Variants in HTR4 observed in about 807,000 individuals in gnomAD.
HTR4 encodes the protein 5-hydroxytryptamine (serotonin) receptor 4, G protein-coupled.
HTR4 carries 16 observed loss-of-function variants against 36.8 expected under a neutral mutation model. The ratio of observed to expected loss-of-function variants is 0.43; its 90% CI spans 0.29 to 0.66. The LOEUF (loss-of-function observed/expected upper bound fraction) is 0.66. Ranked by LOEUF, HTR4 falls within the 30% of genes least tolerant of loss-of-function variation. The pLI is 0.13. For synonymous variants in HTR4, 189 were observed against 185.1 expected (o/e 1.02, Z -0.17); for missense variants, 438 against 490.9 (o/e 0.89, Z 1.02).
At chr5:148,469,530 C>A (rs1325394237) in intron 5 of HTR4, among the ~76,000 whole-genome samples, 1 of 152,216 alleles carries the variant, frequency 6.6e-6, no homozygotes, top group East Asian at 1.9e-4. Context: ...TAGTGGCAGT[C>A]TGAGTCCTGG....
chr5:148,624,425 G>T (rs1040858051), intron 2 of HTR4, among the ~76,000 whole-genome samples: 1 of 152,172 alleles, frequency 6.6e-6, no homozygotes, highest in African/African-American at 2.4e-5. Flanking sequence ...GAAAATACTT[G>T]TGAAGAGTTG....
chr5:148,531,295 A>G (rs1418277354), intron 4 of HTR4, among the ~76,000 whole-genome samples: 1 of 152,102 alleles, frequency 6.6e-6, no homozygotes, highest in Non-Finnish European at 1.5e-5. Context: ...GTGTTGTGGG[A>G]GAAACCCGGT....
At chr5:148,587,516 A>T (rs1043513979) in intron 2 of HTR4, among the ~76,000 whole-genome samples, 2 of 152,110 alleles carry the variant, frequency 1.3e-5, no homozygotes, top group Non-Finnish European at 2.9e-5. Flanking sequence ...CATCTTCAAG[A>T]TTCTGCCTGG....
intron 6 of HTR4, among the ~76,000 whole-genome samples, chr5:148,495,838 C>T (rs1581380024): frequency 6.6e-6 from 1 of 152,130 alleles, no homozygotes; most frequent in South Asian, 2.1e-4. Flanking sequence ...TGCGGTGGCT[C>T]AAGCCTGTAA....
At chr5:148,527,281 T>C (rs950813142) in intron 4 of HTR4, among the ~76,000 whole-genome samples, 2 of 152,240 alleles carry the variant, frequency 1.3e-5, no homozygotes, top group East Asian at 3.8e-4. Context: ...TAAATGGATG[T>C]GGATGTTTAG....
intron 4 of HTR4, among the ~76,000 whole-genome samples, chr5:148,526,892 G>C (rs1284921766): frequency 2.6e-5 from 4 of 152,110 alleles, no homozygotes; most frequent in Non-Finnish European, 4.4e-5. Flanking sequence ...TGTAGGGGGA[G>C]TATGAAGAGG....
At chr5:148,462,981 T>G (rs1241848801) in intron 5 of HTR4, among the ~76,000 whole-genome samples, 2 of 152,146 alleles carry the variant, frequency 1.3e-5, no homozygotes, top group African/African-American at 4.8e-5. Context: ...TAAAAAGCTC[T>G]CGGTAAACTA....
At chr5:148,522,201 G>C (rs1758054213) in intron 5 of HTR4, among the ~76,000 whole-genome samples, 1 of 152,158 alleles carries the variant, frequency 6.6e-6, no homozygotes, top group Non-Finnish European at 1.5e-5. Flanking sequence ...ATGTGGAACT[G>C]TGAGTCCATT....
At chr5:148,476,851 C>A, downstream of HTR4, 1 of 1,558,394 alleles carries the variant, frequency 6.4e-7, no homozygotes, top group Non-Finnish European at 8.7e-7. Context: ...TGGAATAGGT[C>A]AAAAACCTCA....
At chr5:148,615,440 A>G (rs914947994) in intron 2 of HTR4, among the ~76,000 whole-genome samples, 4 of 149,304 alleles carry the variant, frequency 2.7e-5, no homozygotes, top group African/African-American at 9.9e-5. Flanking sequence ...ACAAAAAACC[A>G]AACACTGCAT....
chr5:148,590,572 G>T (rs553124756), intron 2 of HTR4, among the ~76,000 whole-genome samples: 2 of 150,832 alleles, frequency 1.3e-5, no homozygotes, highest in East Asian at 1.9e-4. Flanking sequence ...AAATTTTTGG[G>T]GTATATCACT....
intron 5 of HTR4, among the ~76,000 whole-genome samples, chr5:148,522,836 T>C (rs1311134088): frequency 6.6e-6 from 1 of 152,064 alleles, no homozygotes; most frequent in Admixed American, 6.5e-5. Context: ...AAGGTGATCA[T>C]ACATCACCTG....
At chr5:148,609,456 T>A (rs1316401486) in intron 2 of HTR4, among the ~76,000 whole-genome samples, 1 of 152,186 alleles carries the variant, frequency 6.6e-6, no homozygotes, top group Non-Finnish European at 1.5e-5. Flanking sequence ...ATAAGGCAAA[T>A]ACTTATTACA....
At chr5:148,478,407 T>C (rs1221640559), downstream of HTR4, among the ~76,000 whole-genome samples, 1 of 152,180 alleles carries the variant, frequency 6.6e-6, no homozygotes, top group Non-Finnish European at 1.5e-5. Context: ...GGTGAAGGCT[T>C]AGGTCTTCAT....
chr5:148,601,085 T>C (rs1761980111), intron 2 of HTR4, among the ~76,000 whole-genome samples: 1 of 144,786 alleles, frequency 6.9e-6, no homozygotes, highest in Admixed American at 7.0e-5. Context: ...AAGAAGCATA[T>C]GAAAAGGTGT....
At chr5:148,525,059 A>C (rs1235238669) in intron 4 of HTR4, among the ~76,000 whole-genome samples, 2 of 152,188 alleles carry the variant, frequency 1.3e-5, no homozygotes, top group African/African-American at 4.8e-5. Flanking sequence ...CCAGAGTGCA[A>C]GAAACAACAA....
intron 2 of HTR4, among the ~76,000 whole-genome samples, chr5:148,590,287 C>CTTTTTTTT (rs779077579): frequency 4.8e-4 from 16 of 33,334 alleles, no homozygotes; most frequent in East Asian, 9.1e-4. Context: ...TTTTTCTTTT[C>CTTTTTTTT]TTTTTTTTTT....
chr5:148,560,485 C>A (rs1338215948), intron 2 of HTR4, among the ~76,000 whole-genome samples: 1 of 152,148 alleles, frequency 6.6e-6, no homozygotes, highest in Non-Finnish European at 1.5e-5. Context: ...TGACCTAGAA[C>A]CTTACAAGGG....
chr5:148,484,265 G>A, intron 6 of HTR4: 1 of 1,613,090 alleles, frequency 6.2e-7, no homozygotes, highest in South Asian at 1.1e-5. Flanking sequence ...GTTACCCCAA[G>A]ACAGGCTTCC....
Sources: gnomAD v4.1 joint callset for allele counts (sites outside exome capture counted in the v4.1 genomes callset) on GRCh38, gnomAD v4.1.1 for gene constraint, MANE v1.5 for transcripts, NCBI Gene and HGNC (gene_info 2026-07-23, HGNC 2026-07-21) for gene names.